The following HOOK3 variants were observed in gnomAD, a reference collection of about 807,000 sequenced individuals.
HOOK3 encodes the protein hook microtubule tethering protein 3, also known as protein Hook homolog 3.
HOOK3 carries 24 observed loss-of-function variants against 116.3 expected under a neutral mutation model. The ratio of observed to expected loss-of-function variants is 0.21; its 90% confidence interval spans 0.15 to 0.29. The LOEUF is 0.29. Ranked by LOEUF, HOOK3 falls within the 10% of genes least tolerant of loss-of-function variation. The probability of loss-of-function intolerance (pLI) is 1.00; values close to 1 mark genes in which losing one functional copy is unlikely to be tolerated. For missense variants in HOOK3, 632 were observed against 830.2 expected (o/e 0.76, Z 2.93); for synonymous variants, 275 against 283.0 (o/e 0.97, Z 0.28).
intron 4 of HOOK3, among the ~76,000 whole-genome samples, chr8:42,940,342 C>T (rs1011574297): frequency 3.9e-5 from 6 of 152,312 alleles, no homozygotes; most frequent in East Asian, 3.9e-4. Flanking sequence ...ACCAGTCAGG[C>T]GTGGCGGCGC....
intron 15 of HOOK3, among the ~76,000 whole-genome samples, chr8:42,995,603 C>T (rs1339501062): frequency 6.6e-6 from 1 of 152,144 alleles, no homozygotes; most frequent in Non-Finnish European, 1.5e-5. Flanking sequence ...CTCATGGCCT[C>T]AGTTAACTCC....
chr8:43,000,705 T>G (rs1285228902), intron 16 of HOOK3: 1 of 156,598 alleles, frequency 6.4e-6, no homozygotes, highest in Non-Finnish European at 1.4e-5. Context: ...ACTTAAAAGC[T>G]ACTAAATGTT....
intron 21 of HOOK3, among the ~76,000 whole-genome samples, chr8:43,015,239 T>C (rs183218101): frequency 1.3e-5 from 2 of 151,962 alleles, no homozygotes; most frequent in African/African-American, 4.8e-5. Context: ...TTGACAAATA[T>C]AGGCTATGCA....
intron 19 of HOOK3, among the ~76,000 whole-genome samples, chr8:43,012,283 T>G (rs1809628270): frequency 6.6e-6 from 1 of 152,236 alleles, no homozygotes; most frequent in African/African-American, 2.4e-5. Context: ...CGATATGGTA[T>G]GGAGTATTGC....
chr8:43,019,733 G>A lies in HOOK3; in HGVS notation c.*1235G>A, dbSNP rs1809788516. 4.9e-6 allele frequency: 1 copy of A among 204,928 alleles called. No homozygotes were observed. The highest frequency in any genetic ancestry group is 1.0e-5 in the Non-Finnish European group (1 of 100,332). The allele number at this position is 204,928 out of a possible 1,614,324, so 12.7% of individuals were successfully genotyped here. ...TTTGTATATATAAGGTGCTATATAA[G>A]TGTGAAATATCATTCATTTATAAAT... On this transcript the variant is annotated 3_prime_UTR_variant, in exon 22 of 22. Transcript: ENST00000307602.
chr8:42,995,234 A>C (rs1356587984), intron 15 of HOOK3, among the ~76,000 whole-genome samples: 1 of 151,746 alleles, frequency 6.6e-6, no homozygotes, highest in Non-Finnish European at 1.5e-5. Flanking sequence ...GGCTGTTTGG[A>C]TTCTAAACAC....
intron 2 of HOOK3, among the ~76,000 whole-genome samples, chr8:42,920,353 A>G (rs1586591415): frequency 6.6e-6 from 1 of 152,352 alleles, no homozygotes; most frequent in African/African-American, 2.4e-5. Flanking sequence ...AATGGAAGCT[A>G]CGGTTAAATG....
At chr8:42,956,529 T>C (rs1808439673) in intron 6 of HOOK3, among the ~76,000 whole-genome samples, 1 of 152,146 alleles carries the variant, frequency 6.6e-6, no homozygotes, top group Admixed American at 6.6e-5. Flanking sequence ...TCTTGCCGTG[T>C]CTTATGGTGC....
Position 42,897,122 on chromosome 8 carries a change from GGC to G in HOOK3, c.-8_-7del, listed in dbSNP as rs752769156. ...CAGGCGGTAGGCGCTGCCTGGCCGC[GGC>G]GGGGAAGATGTTCAGCGTAGAGTCG... On this transcript the variant is annotated 5_prime_UTR_variant, in exon 1 of 22. Coordinates refer to ENST00000307602, the MANE Select transcript of HOOK3 (RefSeq NM_032410.4). The G allele has an allele frequency of 8.0e-6, 10 of 1,244,848 alleles. No individual in the cohort carries two copies. The highest frequency in any genetic ancestry group is 2.1e-4 in the Middle Eastern group (1 of 4,812). The allele number at this position is 1,244,848 out of a possible 1,614,324, so 77.1% of individuals were successfully genotyped here. A position where few individuals can be genotyped will look rare whatever the true frequency, so the allele number is the denominator to read the frequency against.
intron 14 of HOOK3, among the ~76,000 whole-genome samples, chr8:42,984,323 G>A (rs1057219997): frequency 7.3e-5 from 11 of 150,982 alleles, no homozygotes; most frequent in African/African-American, 2.2e-4. Context: ...AGCCGAGATC[G>A]CGCCATTGCA....
At chr8:42,902,824 C>T (rs138512575) in intron 1 of HOOK3, among the ~76,000 whole-genome samples, 81 of 152,242 alleles carry the variant, frequency 5.3e-4, no homozygotes, top group African/African-American at 1.9e-3. Flanking sequence ...TTCAAAGTGG[C>T]GTCCACTGAG....
chr8:42,949,221 ATTAC>A, intron 5 of HOOK3, among the ~76,000 whole-genome samples: 1 of 152,282 alleles, frequency 6.6e-6, no homozygotes, highest in Non-Finnish European at 1.5e-5. Context: ...AAATTTCCTA[ATTAC>A]TTTACTCTTT....
chr8:43,013,537 T>G, intron 21 of HOOK3, 137 bp downstream of exon 21: 1 of 646,590 alleles, frequency 1.5e-6, no homozygotes, highest in Non-Finnish European at 2.4e-6. Flanking sequence ...TAACAGAATC[T>G]TAATGTTATT....
intron 6 of HOOK3, among the ~76,000 whole-genome samples, chr8:42,954,930 G>A (rs1808406818): frequency 6.6e-6 from 1 of 152,206 alleles, no homozygotes; most frequent in African/African-American, 2.4e-5. Context: ...AAGATAGTCT[G>A]ATGATGAGTG....
At chr8:42,938,904 G>C (rs546257134) in intron 4 of HOOK3, among the ~76,000 whole-genome samples, 12 of 152,086 alleles carry the variant, frequency 7.9e-5, no homozygotes, top group Non-Finnish European at 1.3e-4. Flanking sequence ...TGAGATTAGC[G>C]AGTGGTGATG....
chr8:42,935,239 G>GT (rs569261216), intron 4 of HOOK3, among the ~76,000 whole-genome samples: 4,683 of 150,810 alleles, frequency 0.031, 262 homozygotes, highest in African/African-American at 0.11. Flanking sequence ...TGATGGGGTT[G>GT]TTTTTTTTTC....
At chr8:42,906,092 A>G (rs1807301623) in intron 1 of HOOK3, 81 bp from the exon 2 acceptor site, 1 of 677,590 alleles carries the variant, frequency 1.5e-6, no homozygotes, top group African/African-American at 2.1e-5. Context: ...GTCTCCAAAA[A>G]AAAAAAAAAA....
At chr8:42,912,223 T>G (rs1807444781) in intron 2 of HOOK3, among the ~76,000 whole-genome samples, 1 of 152,204 alleles carries the variant, frequency 6.6e-6, no homozygotes, top group Non-Finnish European at 1.5e-5. Context: ...CATTTTGTAG[T>G]TTTAGGAGAA....
intron 4 of HOOK3, among the ~76,000 whole-genome samples, chr8:42,932,290 A>G (rs939709532): frequency 2.6e-5 from 4 of 152,164 alleles, no homozygotes; most frequent in African/African-American, 9.7e-5. Flanking sequence ...TATTTACTAG[A>G]TCTTTTGGGC....
Sources: gnomAD v4.1 joint callset for allele counts (sites outside exome capture counted in the v4.1 genomes callset) on GRCh38, gnomAD v4.1.1 for gene constraint, MANE v1.5 for transcripts, NCBI Gene and HGNC (gene_info 2026-07-23, HGNC 2026-07-21) for gene names.